Variants in ABTB3 observed in about 807,000 individuals in gnomAD.
The protein encoded by ABTB3 is ankyrin repeat- and BTB/POZ domain-containing protein 3.
chr12:107,480,033 T>C, the ABTB3 span, among the ~76,000 whole-genome samples: 1 of 152,080 alleles, frequency 6.6e-6, no homozygotes, highest in African/African-American at 2.4e-5. Flanking sequence ...CCAGAACATA[T>C]AGTGGCACAT....
the ABTB3 span, among the ~76,000 whole-genome samples, chr12:107,490,209 C>T: frequency 6.6e-6 from 1 of 152,138 alleles, no homozygotes; most frequent in African/African-American, 2.4e-5. Flanking sequence ...GCCCAGGTTC[C>T]TGAAGGCGGG....
chr12:107,508,699 C>T, the ABTB3 span, among the ~76,000 whole-genome samples: 8 of 151,992 alleles, frequency 5.3e-5, no homozygotes, highest in Non-Finnish European at 1.0e-4. Context: ...CTGCCTGACT[C>T]GGCCTCCCAA....
chr12:107,407,542 ACAGGCAAGGCCTCGT>A, the ABTB3 span, among the ~76,000 whole-genome samples: 1 of 152,216 alleles, frequency 6.6e-6, no homozygotes, highest in Admixed American at 6.5e-5. Context: ...AAGACGGTGA[ACAGGCAAGGCCTCGT>A]CAGCCTTGAG....
chr12:107,321,448 G>C, the ABTB3 span, among the ~76,000 whole-genome samples: 1 of 152,184 alleles, frequency 6.6e-6, no homozygotes, highest in Admixed American at 6.5e-5. Flanking sequence ...GTCAGTGGGG[G>C]AGGGGAAGGA....
the ABTB3 span, among the ~76,000 whole-genome samples, chr12:107,566,595 G>A: frequency 4.3e-4 from 65 of 150,678 alleles, no homozygotes; most frequent in Admixed American, 7.3e-4. Context: ...TTTCTTAGCC[G>A]CCAAGGCAAA....
At chr12:107,322,843 G>A in the ABTB3 span, among the ~76,000 whole-genome samples, 1 of 152,236 alleles carries the variant, frequency 6.6e-6, no homozygotes, top group South Asian at 2.1e-4. Flanking sequence ...TGACAGATGA[G>A]TTCCCTGCCT....
the ABTB3 span, among the ~76,000 whole-genome samples, chr12:107,406,528 G>T: frequency 7.8e-4 from 118 of 152,034 alleles, no homozygotes; most frequent in Non-Finnish European, 7.9e-4. Flanking sequence ...TTGAGCCCAG[G>T]AACCTCACCA....
At chr12:107,461,479 A>C in the ABTB3 span, among the ~76,000 whole-genome samples, 1 of 152,178 alleles carries the variant, frequency 6.6e-6, no homozygotes, top group Non-Finnish European at 1.5e-5. Flanking sequence ...GGAGAGGGGC[A>C]CAAGTTGTCC....
the ABTB3 span, among the ~76,000 whole-genome samples, chr12:107,352,451 G>A: frequency 9.9e-5 from 15 of 152,156 alleles, no homozygotes; most frequent in African/African-American, 3.6e-4. Context: ...AGACCTCAGA[G>A]ACCTCTGGGA....
At chr12:107,645,796 G>A in the ABTB3 span, among the ~76,000 whole-genome samples, 1 of 152,196 alleles carries the variant, frequency 6.6e-6, no homozygotes, top group East Asian at 1.9e-4. Context: ...GAATCCCGAG[G>A]CCTGTAATTG....
the ABTB3 span, among the ~76,000 whole-genome samples, chr12:107,481,883 GTCTCTCTCTCTCTCTCTCTC>G: frequency 1.2e-4 from 13 of 108,318 alleles, 1 homozygote; most frequent in South Asian, 4.0e-4. Context: ...GAAATCAAGA[GTCTCTCTCTCTCTCTCTCTC>G]TCTCTCTCTC....
At chr12:107,657,237 T>C in the ABTB3 span, among the ~76,000 whole-genome samples, 1 of 152,188 alleles carries the variant, frequency 6.6e-6, no homozygotes, top group South Asian at 2.1e-4. Flanking sequence ...ACGATACCCC[T>C]GTAGTCCACC....
the ABTB3 span, among the ~76,000 whole-genome samples, chr12:107,654,836 A>ACACACGCG: frequency 4.7e-5 from 7 of 148,126 alleles, no homozygotes; most frequent in African/African-American, 1.3e-4. Flanking sequence ...ACACACACAC[A>ACACACGCG]CACACACACA....
the ABTB3 span, among the ~76,000 whole-genome samples, chr12:107,447,632 C>G: frequency 1.3e-5 from 2 of 152,184 alleles, no homozygotes; most frequent in African/African-American, 4.8e-5. Context: ...ATTTGAAATT[C>G]AAATAGCTGC....
At chr12:107,450,738 T>C in the ABTB3 span, among the ~76,000 whole-genome samples, 23 of 152,234 alleles carry the variant, frequency 1.5e-4, 3 homozygotes, top group South Asian at 3.7e-3. Context: ...CTCTGGTTAG[T>C]CTGGTCTTTA....
At chr12:107,384,622 G>T in the ABTB3 span, among the ~76,000 whole-genome samples, 6 of 152,164 alleles carry the variant, frequency 3.9e-5, no homozygotes, top group Non-Finnish European at 8.8e-5. Flanking sequence ...CACAACAGAG[G>T]CCTCAGTACA....
chr12:107,452,116 C>G, the ABTB3 span, among the ~76,000 whole-genome samples: 4 of 151,828 alleles, frequency 2.6e-5, no homozygotes, highest in African/African-American at 9.7e-5. Context: ...TGAGCACTGA[C>G]TATGTGCCAG....
At chr12:107,482,677 C>T in the ABTB3 span, among the ~76,000 whole-genome samples, 1 of 152,056 alleles carries the variant, frequency 6.6e-6, no homozygotes, top group African/African-American at 2.4e-5. Flanking sequence ...TCCTGACATG[C>T]CACCTCCTCA....
the ABTB3 span, among the ~76,000 whole-genome samples, chr12:107,513,150 T>C: frequency 6.6e-6 from 1 of 152,230 alleles, no homozygotes; most frequent in African/African-American, 2.4e-5. Flanking sequence ...GCCCATAGTT[T>C]GTACTCCATA....
Sources: gnomAD v4.1 joint callset for allele counts (sites outside exome capture counted in the v4.1 genomes callset) on GRCh38, gnomAD v4.1.1 for gene constraint, MANE v1.5 for transcripts, NCBI Gene and HGNC (gene_info 2026-07-23, HGNC 2026-07-21) for gene names.